The following CCDC171 variants were observed in gnomAD, a reference collection of about 807,000 sequenced individuals.
The protein encoded by CCDC171 is coiled-coil domain containing 171.
A neutral mutation model predicts 168.2 loss-of-function variants in CCDC171; 177 were observed. The ratio of observed to expected loss-of-function variants is 1.05; its 90% confidence interval spans 0.93 to 1.19. The LOEUF is 1.19. Among genes scored for constraint, CCDC171 ranks in the 50% most tolerant of loss-of-function variants. CCDC171 has a pLI of 0.00. For missense variants in CCDC171, 1,991 were observed against 1,539.0 expected (o/e 1.29, Z -4.91); for synonymous variants, 687 against 540.8 (o/e 1.27, Z -3.75).
chr9:15,725,809 TG>T (rs2053764896), intron 14 of CCDC171, among the ~76,000 whole-genome samples: 1 of 152,142 alleles, frequency 6.6e-6, no homozygotes, highest in South Asian at 2.1e-4. Context: ...CTCCTAACTC[TG>T]TATAATTATA....
At chr9:15,653,135 A>C (rs1323509357) in intron 7 of CCDC171, among the ~76,000 whole-genome samples, 1 of 152,106 alleles carries the variant, frequency 6.6e-6, no homozygotes, top group Non-Finnish European at 1.5e-5. Flanking sequence ...TGTCATTGTG[A>C]AAATATATAC....
chr9:15,889,841 A>G (rs7856660), intron 24 of CCDC171, among the ~76,000 whole-genome samples: 6,507 of 152,178 alleles, frequency 0.043, 504 homozygotes, highest in African/African-American at 0.15. Context: ...TCAGACAATT[A>G]CTCTAGATAG....
intron 24 of CCDC171, among the ~76,000 whole-genome samples, chr9:15,881,848 A>G (rs1418614041): frequency 6.6e-6 from 1 of 152,226 alleles, no homozygotes; most frequent in East Asian, 1.9e-4. Context: ...TTATTCATTT[A>G]TTAACGGCCA....
At chr9:15,874,733 T>C in intron 24 of CCDC171, 70 bp downstream of exon 24, 1 of 1,365,542 alleles carries the variant, frequency 7.3e-7, no homozygotes, top group Non-Finnish European at 9.7e-7. Context: ...CTGGAGAGAA[T>C]GAAAGCCTCA....
chr9:15,592,818 A>G (rs1365837580), intron 5 of CCDC171, among the ~76,000 whole-genome samples: 1 of 151,884 alleles, frequency 6.6e-6, no homozygotes, highest in Admixed American at 6.6e-5. Context: ...TCAATTAGCT[A>G]CTTAGGAGAA....
chr9:15,896,084 T>C (rs905162613), intron 24 of CCDC171, among the ~76,000 whole-genome samples: 3 of 152,102 alleles, frequency 2.0e-5, no homozygotes, highest in Non-Finnish European at 4.4e-5. Flanking sequence ...TTCTATGTAA[T>C]TGTCCCTTTG....
At position 15,571,777 on chromosome 9, in the gene CCDC171, C is replaced by T; in HGVS notation, c.177+18C>T. 1.9e-5 allele frequency: 30 copies of T among 1,557,994 alleles called. No homozygotes were observed. The highest frequency in any genetic ancestry group is 2.6e-5 in the Non-Finnish European group (30 of 1,162,452). ...ATGCAGAGGTACGATTTATTTTCCT[C>T]TCAAATAATGTTAAAAGTTGAGTTT... is the stretch of plus-strand genomic sequence containing the variant. On this transcript the variant is annotated intron_variant, in intron 3 of 25. Transcript: ENST00000380701.
intron 6 of CCDC171, among the ~76,000 whole-genome samples, chr9:16,030,811 G>T (rs943106085): frequency 6.6e-6 from 1 of 152,190 alleles, no homozygotes; most frequent in South Asian, 2.1e-4. Context: ...CACTCCATGT[G>T]ATCGCTTCCC....
At chr9:15,627,368 T>C (rs2045239124) in intron 7 of CCDC171, among the ~76,000 whole-genome samples, 1 of 152,190 alleles carries the variant, frequency 6.6e-6, no homozygotes, top group South Asian at 2.1e-4. Flanking sequence ...AGCTTTTGTA[T>C]GTGTTTGCTC....
intron 24 of CCDC171, among the ~76,000 whole-genome samples, chr9:15,908,479 G>A (rs1823080250): frequency 6.7e-6 from 1 of 150,282 alleles, no homozygotes; most frequent in Admixed American, 6.6e-5. Flanking sequence ...CACAGGAAGG[G>A]GAACATCACA....
At chr9:15,892,747 C>T (rs1307306102) in intron 24 of CCDC171, among the ~76,000 whole-genome samples, 1 of 152,080 alleles carries the variant, frequency 6.6e-6, no homozygotes, top group Non-Finnish European at 1.5e-5. Flanking sequence ...AGGACCTCTT[C>T]AAGGAAAACT....
chr9:15,671,853 T>C (rs1454881728), intron 9 of CCDC171, among the ~76,000 whole-genome samples: 1 of 152,214 alleles, frequency 6.6e-6, no homozygotes, highest in Non-Finnish European at 1.5e-5. Context: ...TTTATAATCC[T>C]TTGGGTATAT....
At chr9:15,805,317 C>G (rs949878143) in intron 21 of CCDC171, among the ~76,000 whole-genome samples, 1 of 151,846 alleles carries the variant, frequency 6.6e-6, no homozygotes, top group Non-Finnish European at 1.5e-5. Context: ...GTTCTCAAGT[C>G]CTTTTAGTTG....
At chr9:15,785,608 T>C (rs961531241) in intron 21 of CCDC171, among the ~76,000 whole-genome samples, 1 of 152,062 alleles carries the variant, frequency 6.6e-6, no homozygotes, top group African/African-American at 2.4e-5. Flanking sequence ...TCACACAAAC[T>C]GTATGGGATT....
At chr9:16,081,696 A>C in the CCDC171 span, among the ~76,000 whole-genome samples, 1 of 152,122 alleles carries the variant, frequency 6.6e-6, no homozygotes, top group African/African-American at 2.4e-5. Context: ...GGTCTAACAC[A>C]TCTTAATTGA....
chr9:15,820,058 A>C (rs1169073370), intron 21 of CCDC171, among the ~76,000 whole-genome samples: 2 of 117,878 alleles, frequency 1.7e-5, no homozygotes, highest in African/African-American at 6.4e-5. Context: ...GCTCAACTAC[A>C]GGGAAACTGA....
intron 25 of CCDC171, among the ~76,000 whole-genome samples, chr9:15,954,635 A>G (rs1223897259): frequency 6.7e-6 from 1 of 149,004 alleles, no homozygotes; most frequent in African/African-American, 2.4e-5. Flanking sequence ...TCTCAGCCTC[A>G]GTAATTTCTG....
intron 21 of CCDC171, among the ~76,000 whole-genome samples, chr9:15,846,483 G>A (rs1012152650): frequency 6.6e-6 from 1 of 151,916 alleles, no homozygotes; most frequent in Non-Finnish European, 1.5e-5. Flanking sequence ...AAATAAAATG[G>A]AACTGTATTT....
At chr9:15,815,272 C>G (rs536963116) in intron 21 of CCDC171, among the ~76,000 whole-genome samples, 1 of 152,268 alleles carries the variant, frequency 6.6e-6, no homozygotes, top group South Asian at 2.1e-4. Flanking sequence ...GGGTTTTTCT[C>G]TCCCATGTCT....
Sources: gnomAD v4.1 joint callset for allele counts (sites outside exome capture counted in the v4.1 genomes callset) on GRCh38, gnomAD v4.1.1 for gene constraint, MANE v1.5 for transcripts, NCBI Gene and HGNC (gene_info 2026-07-23, HGNC 2026-07-21) for gene names.